The following BLNK variants were observed in gnomAD, a reference collection of about 807,000 sequenced individuals.
BLNK encodes the protein B-cell linker protein.
BLNK carries 29 observed loss-of-function variants against 73.5 expected under a neutral mutation model. The observed-to-expected ratio is 0.39, with a 90% CI of 0.29 to 0.54. The LOEUF (loss-of-function observed/expected upper bound fraction) is 0.54. Among genes scored for constraint, BLNK ranks in the 20% least tolerant of loss-of-function variants. The pLI is 0.61. For missense variants in BLNK, 460 were observed against 562.8 expected, an observed-to-expected ratio of 0.82 and a Z score of 1.85; for synonymous variants, 176 against 200.8, an observed-to-expected ratio of 0.88 and a Z score of 1.04.
chr10:96,231,201 T>C (rs1842486795), intron 3 of BLNK, among the ~76,000 whole-genome samples: 1 of 152,162 alleles, frequency 6.6e-6, no homozygotes, highest in Non-Finnish European at 1.5e-5. Flanking sequence ...CAGACAGACC[T>C]AAGTTCTTAT....
intron 5 of BLNK, among the ~76,000 whole-genome samples, chr10:96,224,793 G>C (rs2084280990): frequency 6.6e-6 from 1 of 152,170 alleles, no homozygotes; most frequent in Admixed American, 6.5e-5. Context: ...CGCCTCCCAG[G>C]TTCAAGTGAT....
rs2083299839 is a variant in BLNK at position 96,189,736 on chromosome 10, T to A, written c.*2237A>T. 6 of 729,926 alleles carry A rather than the reference T, an allele frequency of 8.2e-6. No individual in the cohort carries two copies. Among genetic ancestry groups the A allele is most frequent in the South Asian group, 2.8e-5 (2 of 71,964 alleles). The allele number at this position is 729,926 out of a possible 1,614,324, so 45.2% of individuals were successfully genotyped here. A position where few individuals can be genotyped will look rare whatever the true frequency, so the allele number is the denominator to read the frequency against. ...ATCATCATCATCATCATCATCATCT[T>A]CATCAGCAGCAAGTTTTACTTTTAT... On this transcript the variant is annotated 3_prime_UTR_variant, in exon 17 of 17. Coordinates refer to ENST00000224337, the MANE Select transcript of BLNK (RefSeq NM_013314.4).
At chr10:96,196,380 T>C (rs1272462641) in intron 16 of BLNK, among the ~76,000 whole-genome samples, 1 of 152,216 alleles carries the variant, frequency 6.6e-6, no homozygotes, top group Non-Finnish European at 1.5e-5. Context: ...TAAAGAGGCA[T>C]TAAAGTTAAT....
At position 96,271,550 on chromosome 10, in the gene BLNK, C is replaced by A. The variant is rs1040444223; in HGVS notation, c.-152G>T. The A allele has an allele frequency of 2.8e-5, 21 of 762,312 alleles. No homozygotes were observed. The highest frequency in any genetic ancestry group is 1.8e-4 in the East Asian group (7 of 38,134). The allele number at this position is 762,312 out of a possible 1,614,324, so 47.2% of individuals were successfully genotyped here. Reference sequence around the variant, plus strand: ...TGAGAGTGCAGGCTGCTGGCAAACACCCCTGCTCTAGGGAGAAGTAAAACT... The same window carrying A: ...TGAGAGTGCAGGCTGCTGGCAAACAACCCTGCTCTAGGGAGAAGTAAAACT... On this transcript the variant is annotated 5_prime_UTR_variant, in exon 1 of 17. Transcript: ENST00000224337.
chr10:96,192,214 C>G, intron 16 of BLNK, 122 bp from the exon 17 acceptor site: 1 of 1,360,280 alleles, frequency 7.4e-7, no homozygotes, highest in South Asian at 1.2e-5. Flanking sequence ...TGACATTCTG[C>G]ACAAAAAAAT....
intron 6 of BLNK, among the ~76,000 whole-genome samples, chr10:96,223,321 G>C (rs940052971): frequency 1.3e-5 from 2 of 152,088 alleles, no homozygotes; most frequent in Non-Finnish European, 2.9e-5. Flanking sequence ...CCAACTCAAA[G>C]GTCAAACAGC....
At chr10:96,241,529 A>G (rs1842878253) in intron 3 of BLNK, among the ~76,000 whole-genome samples, 2 of 152,296 alleles carry the variant, frequency 1.3e-5, no homozygotes, top group Admixed American at 1.3e-4. Flanking sequence ...ACTGAGAGTC[A>G]GCAATGTGCC....
chr10:96,244,767 T>G (rs999445171), intron 2 of BLNK, among the ~76,000 whole-genome samples: 1 of 152,152 alleles, frequency 6.6e-6, no homozygotes, highest in Non-Finnish European at 1.5e-5. Context: ...ATGGGCAGAA[T>G]GTATGAAACA....
intron 1 of BLNK, among the ~76,000 whole-genome samples, chr10:96,259,179 G>C (rs1043111629): frequency 1.3e-5 from 2 of 152,170 alleles, no homozygotes; most frequent in East Asian, 3.9e-4. Context: ...CTTCCTCTCT[G>C]TCCCTGGAGA....
intron 4 of BLNK, among the ~76,000 whole-genome samples, chr10:96,230,305 G>A (rs1842446346): frequency 6.6e-6 from 1 of 152,084 alleles, no homozygotes; most frequent in Admixed American, 6.5e-5. Context: ...CTGAGGGCCT[G>A]GGTCTGAATT....
intron 1 of BLNK, among the ~76,000 whole-genome samples, chr10:96,253,563 A>G (rs1341450542): frequency 1.3e-5 from 2 of 152,232 alleles, no homozygotes; most frequent in Non-Finnish European, 2.9e-5. Flanking sequence ...AGTAAGGTCT[A>G]AAGATTGCCT....
chr10:96,245,755 T>C (rs1216670563), intron 2 of BLNK, among the ~76,000 whole-genome samples: 5 of 152,228 alleles, frequency 3.3e-5, no homozygotes, highest in African/African-American at 1.2e-4. Context: ...CGAAAATGTA[T>C]GTGTATAGTA....
intron 1 of BLNK, among the ~76,000 whole-genome samples, chr10:96,268,626 G>A (rs569293815): frequency 1.3e-5 from 2 of 152,106 alleles, no homozygotes; most frequent in East Asian, 3.9e-4. Flanking sequence ...CATCCCCACT[G>A]GGTTCATCCA....
At chr10:96,243,491 G>GGCTCACT (rs1842940542) in intron 2 of BLNK, among the ~76,000 whole-genome samples, 1 of 152,158 alleles carries the variant, frequency 6.6e-6, no homozygotes, top group Non-Finnish European at 1.5e-5. Context: ...AAGCTGCAGT[G>GGCTCACT]AGCCATGATC....
chr10:96,236,265 A>C (rs1297929614), intron 3 of BLNK, among the ~76,000 whole-genome samples: 2 of 152,132 alleles, frequency 1.3e-5, no homozygotes, highest in Non-Finnish European at 2.9e-5. Flanking sequence ...CCAACAGAGC[A>C]GGTGGTGGCA....
At chr10:96,211,247 G>C (rs1057467353) in intron 8 of BLNK, among the ~76,000 whole-genome samples, 1 of 152,148 alleles carries the variant, frequency 6.6e-6, no homozygotes, top group African/African-American at 2.4e-5. Flanking sequence ...CTTAGTTTAT[G>C]AGATAGAGCA....
At chr10:96,266,375 C>T (rs1564856321) in intron 1 of BLNK, among the ~76,000 whole-genome samples, 1 of 152,200 alleles carries the variant, frequency 6.6e-6, no homozygotes, top group African/African-American at 2.4e-5. Context: ...GTTGTTCAGC[C>T]ATGGTACACA....
rs781931818 is a variant in BLNK at position 96,271,440 on chromosome 10, G to A, written c.-42C>T. On this transcript the variant is annotated 5_prime_UTR_variant, in exon 1 of 17. Transcript: ENST00000224337. ...AAGAGACACGAATAACTGTCCAGTG[G>A]TCACGTCAGCAGTTCCTGGCCCTCC... 8 of 1,605,162 alleles carry A rather than the reference G, an allele frequency of 5.0e-6. No individual in the cohort carries two copies. The highest frequency in any genetic ancestry group is 6.8e-6 in the Non-Finnish European group (8 of 1,171,916).
chr10:96,217,492 C>T (rs943943839), intron 6 of BLNK, among the ~76,000 whole-genome samples: 2 of 152,216 alleles, frequency 1.3e-5, no homozygotes, highest in African/African-American at 2.4e-5. Flanking sequence ...CTTTTTATTA[C>T]AGCCATCCTT....
Sources: allele counts gnomAD v4.1 joint callset (sites outside exome capture counted in the v4.1 genomes callset), GRCh38; gene constraint gnomAD v4.1.1; transcripts MANE v1.5; gene names NCBI Gene and HGNC (gene_info 2026-07-23, HGNC 2026-07-21).